Variants in NPAS2 observed in about 807,000 individuals in gnomAD.
NPAS2 encodes the protein neuronal PAS domain protein 2.
A neutral mutation model predicts 107.5 loss-of-function variants in NPAS2; 23 were observed. The ratio of observed to expected loss-of-function variants is 0.21; its 90% confidence interval spans 0.15 to 0.30. The LOEUF (loss-of-function observed/expected upper bound fraction) is 0.30, where lower values mean the gene tolerates loss of function less well. NPAS2 is among the 10% of genes least tolerant of loss of function. The pLI is 1.00. For synonymous variants in NPAS2, 403 were observed against 417.5 expected (o/e 0.97, Z 0.42); for missense variants, 756 against 1,043.3 (o/e 0.72, Z 3.79).
intron 1 of NPAS2, among the ~76,000 whole-genome samples, chr2:100,852,480 C>CAGAATTA (rs1446200369): frequency 3.3e-5 from 5 of 152,178 alleles, no homozygotes; most frequent in African/African-American, 1.2e-4. Flanking sequence ...GAATTTTCCC[C>CAGAATTA]CATGGAACTC....
chr2:100,842,577 C>T (rs1677510789), intron 1 of NPAS2, among the ~76,000 whole-genome samples: 1 of 152,140 alleles, frequency 6.6e-6, no homozygotes, highest in Admixed American at 6.6e-5. Context: ...CTGCAGTATT[C>T]ACTTATATAA....
chr2:100,969,097 G>A (rs532657705), intron 11 of NPAS2, among the ~76,000 whole-genome samples: 123 of 152,250 alleles, frequency 8.1e-4, no homozygotes, highest in African/African-American at 2.6e-3. Context: ...TTTTAAGAAC[G>A]TAAATTAGTT....
At chr2:100,857,447 A>T (rs1292238310) in intron 1 of NPAS2, among the ~76,000 whole-genome samples, 1 of 152,232 alleles carries the variant, frequency 6.6e-6, no homozygotes, top group East Asian at 1.9e-4. Flanking sequence ...GAGCTGGCTA[A>T]TGAGAGAGCA....
chr2:100,959,738 A>G (rs1379681490), intron 7 of NPAS2, among the ~76,000 whole-genome samples: 2 of 152,184 alleles, frequency 1.3e-5, no homozygotes, highest in East Asian at 3.9e-4. Flanking sequence ...ATTTGTTTCG[A>G]GAAGTGCCGA....
chr2:100,980,892 C>T (rs192973972), intron 15 of NPAS2, among the ~76,000 whole-genome samples: 1 of 152,270 alleles, frequency 6.6e-6, no homozygotes, highest in East Asian at 1.9e-4. Flanking sequence ...TGGCCTTGCT[C>T]AGCTCCTAAG....
In NPAS2 at chr2:100,967,228, G is replaced by A. The variant is rs1676267454; in HGVS notation, c.908-1053G>A. 7.0e-5 allele frequency among the ~76,000 whole-genome samples: 10 copies of A among 141,970 alleles called. No individual in the cohort carries two copies. In the South Asian group the frequency reaches 2.3e-3, roughly 33 times the overall value. 93.1% of individuals were successfully genotyped at this position (141,970 alleles called of 152,430 possible). The stretch of plus-strand genomic sequence containing the variant: ...CTCTTCAGATAATCACATTCTCCAA[G>A]TCAGTGTCCTTTTTTTTTTTTTTTT... On this transcript the variant is annotated intron_variant, in intron 10 of 20. Coordinates refer to ENST00000335681, the MANE Select transcript of NPAS2 (RefSeq NM_002518.4).
At chr2:100,860,455 T>C (rs1290470638) in intron 1 of NPAS2, among the ~76,000 whole-genome samples, 6 of 152,234 alleles carry the variant, frequency 3.9e-5, no homozygotes, top group Admixed American at 1.3e-4. Context: ...GTGGGAGATA[T>C]CCTGAGACTA....
rs4082878 is a variant in NPAS2 at position 100,836,957 on chromosome 2, G to A, written c.-23+16543G>A. 2.6e-3 allele frequency among the ~76,000 whole-genome samples: 392 copies of A among 152,318 alleles called. 4 individuals are homozygous for A. Among genetic ancestry groups the A allele is most frequent in the African/African-American group, 9.1e-3 (379 of 41,568 alleles). ...TCTGGGGCAGATTTTTCAGGATCAA[G>A]AACTAAAACCAAGAATACCTTTGAA... is the stretch of plus-strand genomic sequence containing the variant. On this transcript the variant is annotated intron_variant, in intron 1 of 20. Coordinates refer to ENST00000335681, the MANE Select transcript of NPAS2 (RefSeq NM_002518.4).
At chr2:100,906,684 G>A (rs747825707) in intron 2 of NPAS2, among the ~76,000 whole-genome samples, 9 of 152,100 alleles carry the variant, frequency 5.9e-5, no homozygotes, top group Non-Finnish European at 1.0e-4. Flanking sequence ...TCCCTCTCCC[G>A]GGTTCAAGCG....
chr2:100,886,122 CT>C (rs1210222381), intron 1 of NPAS2, among the ~76,000 whole-genome samples: 1 of 152,186 alleles, frequency 6.6e-6, no homozygotes, highest in Non-Finnish European at 1.5e-5. Context: ...GTGTATGATA[CT>C]TTGTTAAGCA....
chr2:100,845,555 C>G (rs542005413), intron 1 of NPAS2, among the ~76,000 whole-genome samples: 86 of 152,338 alleles, frequency 5.6e-4, no homozygotes, highest in Admixed American at 1.8e-3. Flanking sequence ...CACTCAGGCA[C>G]CCAGGCTGCT....
chr2:100,931,344 A>G (rs1427148083), intron 3 of NPAS2, among the ~76,000 whole-genome samples: 2 of 152,090 alleles, frequency 1.3e-5, no homozygotes, highest in Admixed American at 6.6e-5. Context: ...ACAAAAATCC[A>G]ATTTTGTATA....
chr2:100,923,007 C>T (rs1422337973), intron 2 of NPAS2, among the ~76,000 whole-genome samples: 1 of 152,330 alleles, frequency 6.6e-6, no homozygotes, highest in East Asian at 1.9e-4. Context: ...TTGCATGTCA[C>T]TCTTTAAAAT....
At chr2:100,947,176 G>A (rs1217638455) in intron 5 of NPAS2, among the ~76,000 whole-genome samples, 1 of 152,192 alleles carries the variant, frequency 6.6e-6, no homozygotes, top group Non-Finnish European at 1.5e-5. Flanking sequence ...AGAGGTGCCT[G>A]TCTCCTCGGT....
chr2:100,994,635 T>C (rs1161573039), intron 20 of NPAS2: 1 of 152,386 alleles, frequency 6.6e-6, no homozygotes, highest in African/African-American at 2.4e-5. Flanking sequence ...GGGAGTGCTG[T>C]GGTGGGGAAG....
intron 1 of NPAS2, chr2:100,846,773 A>G (rs1004441352): frequency 6.6e-6 from 1 of 152,214 alleles, no homozygotes; most frequent in Non-Finnish European, 1.5e-5. Context: ...TATTTGTGCC[A>G]TAAAGTGTTG....
In NPAS2 at chr2:100,968,144, A is replaced by G. The variant is rs1253354772; in HGVS notation, c.908-137A>G. ...ACCGTGATCCTGACAGTCACTTAAAATACAGGGCAACCGGGGAAACAAGCC... is the reference window on the plus strand; with the variant it reads ...ACCGTGATCCTGACAGTCACTTAAAGTACAGGGCAACCGGGGAAACAAGCC... On this transcript the variant is annotated intron_variant, in intron 10 of 20. Coordinates refer to ENST00000335681, the MANE Select transcript of NPAS2 (RefSeq NM_002518.4). This position sits in a 1 kb window ranked among gnomAD's most constrained non-coding sequence, Gnocchi z 5.3. 1 of 863,920 alleles carries G rather than the reference A, an allele frequency of 1.2e-6. No individual in the cohort carries two copies. The highest frequency in any genetic ancestry group is 1.8e-6 in the Non-Finnish European group (1 of 553,946). 53.5% of individuals were successfully genotyped at this position (863,920 alleles called of 1,614,324 possible). A position where few individuals can be genotyped will look rare whatever the true frequency, so the allele number is the denominator to read the frequency against.
chr2:100,969,172 C>A (rs1162727391), intron 11 of NPAS2, among the ~76,000 whole-genome samples: 1 of 151,552 alleles, frequency 6.6e-6, no homozygotes, highest in African/African-American at 2.4e-5. Context: ...GGACAGCATG[C>A]CTTTCTTTTT....
chr2:100,895,450 G>A (rs1041078858), intron 1 of NPAS2, among the ~76,000 whole-genome samples: 2 of 152,190 alleles, frequency 1.3e-5, no homozygotes, highest in Non-Finnish European at 2.9e-5. Context: ...GCCTGGGTCG[G>A]TCTCAGTTTG....
Sources: allele counts gnomAD v4.1 joint callset (sites outside exome capture counted in the v4.1 genomes callset), GRCh38; gene constraint gnomAD v4.1.1; non-coding constraint Gnocchi (gnomAD v3.1); transcripts MANE v1.5; gene names NCBI Gene and HGNC (gene_info 2026-07-23, HGNC 2026-07-21).